ASCC3: variants seen among roughly 807,000 people sequenced by gnomAD.
The protein encoded by ASCC3 is activating signal cointegrator 1 complex subunit 3.
ASCC3 carries 158 observed loss-of-function variants against 256.3 expected under a neutral mutation model. The ratio of observed to expected loss-of-function variants is 0.62; its 90% confidence interval spans 0.54 to 0.70. The LOEUF (loss-of-function observed/expected upper bound fraction) is 0.70. Ranked by LOEUF, ASCC3 falls within the 30% of genes least tolerant of loss-of-function variation. The probability of loss-of-function intolerance (pLI) is 0.00; values close to 1 mark genes in which losing one functional copy is unlikely to be tolerated. For synonymous variants in ASCC3, 948 were observed against 883.4 expected, an observed-to-expected ratio of 1.07 and a Z score of -1.30; for missense variants, 2,259 against 2,626.0, an observed-to-expected ratio of 0.86 and a Z score of 3.05.
chr6:100,739,874 A>T (rs1181383364), intron 10 of ASCC3, among the ~76,000 whole-genome samples: 4 of 151,852 alleles, frequency 2.6e-5, no homozygotes, highest in African/African-American at 7.3e-5. Context: ...TAATTTTTTT[A>T]AAAAAACAGC....
intron 8 of ASCC3, among the ~76,000 whole-genome samples, chr6:100,794,306 C>A (rs1023688714): frequency 1.3e-5 from 2 of 152,024 alleles, no homozygotes; most frequent in African/African-American, 4.8e-5. Flanking sequence ...TTTTTCCAGT[C>A]TCATTTCCTG....
chr6:100,843,892 G>A (rs1336591437), intron 4 of ASCC3, among the ~76,000 whole-genome samples: 1 of 151,644 alleles, frequency 6.6e-6, no homozygotes, highest in Non-Finnish European at 1.5e-5. Context: ...CTAAATAAAA[G>A]TTTGACTGTG....
At chr6:100,685,300 T>C (rs1777519858) in intron 13 of ASCC3, among the ~76,000 whole-genome samples, 1 of 152,196 alleles carries the variant, frequency 6.6e-6, no homozygotes, top group Non-Finnish European at 1.5e-5. Flanking sequence ...GGTCATGTCC[T>C]GGCAGTTTAT....
In ASCC3 at chr6:100,662,329, G is replaced by A; in HGVS notation, c.2478+16C>T. On this transcript the variant is annotated intron_variant, in intron 15 of 41. Coordinates refer to ENST00000369162, the MANE Select transcript of ASCC3 (RefSeq NM_006828.4). ...ACACACACAAAATCCATTTATCAAG[G>A]AAGGTAAGCTCTTACCTTAATAATA... is the stretch of plus-strand genomic sequence containing the variant. The A allele has an allele frequency of 6.2e-7, 1 of 1,608,586 alleles. No homozygotes were observed. The highest frequency in any genetic ancestry group is 8.5e-7 in the Non-Finnish European group (1 of 1,176,596).
At chr6:100,704,562 TA>T (rs1399273388) in intron 13 of ASCC3, among the ~76,000 whole-genome samples, 1 of 151,990 alleles carries the variant, frequency 6.6e-6, no homozygotes, top group Non-Finnish European at 1.5e-5. Context: ...TGATTAGAAA[TA>T]AAAATAATTT....
intron 8 of ASCC3, among the ~76,000 whole-genome samples, chr6:100,790,350 A>C (rs1769293870): frequency 6.6e-6 from 1 of 151,992 alleles, no homozygotes; most frequent in African/African-American, 2.4e-5. Context: ...AGCTTCTTAA[A>C]GCCAGGATCA....
chr6:100,814,229 T>C (rs1770631344), intron 4 of ASCC3, among the ~76,000 whole-genome samples: 1 of 152,210 alleles, frequency 6.6e-6, no homozygotes, highest in Non-Finnish European at 1.5e-5. Flanking sequence ...TCTGTTTTTG[T>C]GATGAATTAC....
intron 36 of ASCC3, among the ~76,000 whole-genome samples, chr6:100,549,799 G>A (rs1374674922): frequency 1.3e-5 from 2 of 151,912 alleles, no homozygotes; most frequent in Non-Finnish European, 2.9e-5. Flanking sequence ...ATTATTTTAA[G>A]TGAGGAATAA....
At chr6:100,642,520 C>T (rs1775177613) in intron 24 of ASCC3, 61 bp downstream of exon 24, 3 of 1,557,146 alleles carry the variant, frequency 1.9e-6, no homozygotes, top group Non-Finnish European at 2.7e-6. Context: ...CATTTTTCAA[C>T]ATTAATTAAA....
chr6:100,778,296 G>T (rs1273691877), intron 8 of ASCC3, among the ~76,000 whole-genome samples: 1 of 152,014 alleles, frequency 6.6e-6, no homozygotes, highest in Admixed American at 6.6e-5. Flanking sequence ...GAAAGGTCAA[G>T]GATTTTTAAA....
At chr6:100,536,006 G>T (rs981336409) in intron 37 of ASCC3, among the ~76,000 whole-genome samples, 1 of 152,024 alleles carries the variant, frequency 6.6e-6, no homozygotes, top group Non-Finnish European at 1.5e-5. Flanking sequence ...TAAATTATTA[G>T]GCATTTATAA....
rs1777334099 is a variant in ASCC3 at position 100,682,019 on chromosome 6, T to C, written c.2152-2267A>G. ...GTTATAATAATGCCCTGCTGAAGAT[T>C]CATCAGTTCAGAATTTGTCCAGTTC... On this transcript the variant is annotated intron_variant, in intron 13 of 41. Coordinates refer to ENST00000369162, the MANE Select transcript of ASCC3 (RefSeq NM_006828.4). Among the ~76,000 whole-genome samples, 4 of 152,180 alleles carry C rather than the reference T, an allele frequency of 2.6e-5. 1 individual carries two copies. The South Asian group carries it at 8.3e-4, about 32-fold the overall frequency.
At chr6:100,775,987 G>A (rs919410475) in intron 8 of ASCC3, among the ~76,000 whole-genome samples, 2 of 151,962 alleles carry the variant, frequency 1.3e-5, no homozygotes, top group Non-Finnish European at 2.9e-5. Context: ...ATTAACAAAT[G>A]CTTTAAGTTA....
Position 100,863,944 on chromosome 6 carries a change from G to A in ASCC3, c.241+120C>T, listed in dbSNP as rs12055548. 3,464 of 950,198 alleles carry A rather than the reference G, an allele frequency of 3.6e-3. 166 individuals carry two copies. The East Asian group carries it at 0.088, about 24-fold the overall frequency. 58.9% of individuals were successfully genotyped at this position (950,198 alleles called of 1,614,324 possible). Reference sequence around the variant, plus strand: ...GGCCAGGACTGTCTTTCATAATTATGAATACTTAGATGCCAGGAAATTTTA... The same window carrying A: ...GGCCAGGACTGTCTTTCATAATTATAAATACTTAGATGCCAGGAAATTTTA... On this transcript the variant is annotated intron_variant, in intron 3 of 41. Coordinates refer to ENST00000369162, the MANE Select transcript of ASCC3 (RefSeq NM_006828.4).
rs140473405 is a variant in ASCC3 at position 100,705,949 on chromosome 6, A to G, written c.2151+9513T>C. Reference sequence around the variant, plus strand: ...TTATTAACCATGACCACTGTTAATAACAATGCACTAATATGTAGTTAGTTA... The same window carrying G: ...TTATTAACCATGACCACTGTTAATAGCAATGCACTAATATGTAGTTAGTTA... On this transcript the variant is annotated intron_variant, in intron 13 of 41. Coordinates refer to ENST00000369162, the MANE Select transcript of ASCC3 (RefSeq NM_006828.4). 2.9e-3 allele frequency among the ~76,000 whole-genome samples: 437 copies of G among 152,094 alleles called. 3 individuals are homozygous for G. Among genetic ancestry groups the G allele is most frequent in the Middle Eastern group, 0.01 (3 of 294 alleles).
At chr6:100,840,794 G>C (rs996637503) in intron 4 of ASCC3, among the ~76,000 whole-genome samples, 7 of 151,896 alleles carry the variant, frequency 4.6e-5, no homozygotes, top group African/African-American at 1.5e-4. Context: ...CTGAATAATG[G>C]TGGGTTCACA....
At chr6:100,664,852 A>T (rs1190938700) in intron 14 of ASCC3, among the ~76,000 whole-genome samples, 1 of 152,232 alleles carries the variant, frequency 6.6e-6, no homozygotes, top group Non-Finnish European at 1.5e-5. Flanking sequence ...TGGATATTCA[A>T]AGCCAACAGA....
intron 39 of ASCC3, among the ~76,000 whole-genome samples, chr6:100,514,614 AT>A (rs1773930988): frequency 6.6e-6 from 1 of 151,506 alleles, no homozygotes; most frequent in Non-Finnish European, 1.5e-5. Context: ...TATTGGATAT[AT>A]ATATATATAT....
intron 4 of ASCC3, among the ~76,000 whole-genome samples, chr6:100,843,575 T>C (rs546762518): frequency 1.4e-4 from 21 of 152,310 alleles, no homozygotes; most frequent in African/African-American, 4.8e-4. Flanking sequence ...GAGATATGTA[T>C]ACTTCAATAC....
Sources: gnomAD v4.1 joint callset for allele counts (sites outside exome capture counted in the v4.1 genomes callset) on GRCh38, gnomAD v4.1.1 for gene constraint, MANE v1.5 for transcripts, NCBI Gene and HGNC (gene_info 2026-07-23, HGNC 2026-07-21) for gene names.